The following MUC4 variants were observed in gnomAD, a reference collection of about 807,000 sequenced individuals.
MUC4 encodes the protein mucin 4, cell surface associated, also known as mucin-4.
In MUC4, 202 loss-of-function variants were observed where a neutral mutation model predicts 257.9. That is an observed-to-expected ratio of 0.78 (90% CI 0.70 to 0.88). The LOEUF is 0.88. Among genes scored for constraint, MUC4 ranks in the 40% least tolerant of loss-of-function variants. The pLI is 0.00. For missense variants in MUC4, 5,976 were observed against 6,513.7 expected, an observed-to-expected ratio of 0.92 and a Z score of 2.84; for synonymous variants, 2,351 against 2,757.1, an observed-to-expected ratio of 0.85 and a Z score of 4.62.
chr3:195,758,166 G>A (rs1165075263), intron 17 of MUC4, among the ~76,000 whole-genome samples: 4 of 152,236 alleles, frequency 2.6e-5, no homozygotes, highest in Admixed American at 1.3e-4. Flanking sequence ...GCATCCCTTT[G>A]ATGCCCTTGG....
Position 195,798,596 on chromosome 3 carries a change from C to T in MUC4, c.83-7099G>A, listed in dbSNP as rs894729400. ...GCGGGCGCCTGTAGTCCCAGCTACT[C>T]GGGAGGCTGAGGCAGGAGAATGGCG... On this transcript the variant is annotated intron_variant, in intron 1 of 24. Coordinates refer to ENST00000463781, the MANE Select transcript of MUC4 (RefSeq NM_018406.7). 3.4e-4 allele frequency among the ~76,000 whole-genome samples: 48 copies of T among 143,060 alleles called. 1 individual carries two copies. The highest frequency in any genetic ancestry group is 8.4e-4 in the African/African-American group (34 of 40,326). 93.9% of individuals were successfully genotyped at this position (143,060 alleles called of 152,430 possible). A position where few individuals can be genotyped will look rare whatever the true frequency, so the allele number is the denominator to read the frequency against.
Position 195,770,332 on chromosome 3 carries a change from G to A in MUC4, c.13282C>T (p.Gln4428Ter), listed in dbSNP as rs1390860595. Residue 4428 changes from glutamine (Q) to a stop codon, truncating the protein, a stop_gained, in exon 6 of 25, where the codon CAG becomes TAG. Transcript: ENST00000463781. LOFTEE classifies it high-confidence loss of function. The stretch of plus-strand genomic sequence containing the variant: ...TTTCTAATCCAAGACTCGGCCTGCT[G>A]GACTAGCAGGCTGTGTTCACCATAG... ...TFYGEHSLLVQQAESWIRKMT... is the reference protein window; with the variant it reads ...TFYGEHSLLV The A allele has an allele frequency of 1.9e-6, 3 of 1,613,938 alleles. No homozygotes were observed. In the Admixed American group the frequency reaches 5.0e-5, roughly 27 times the overall value.
intron 24 of MUC4, among the ~76,000 whole-genome samples, chr3:195,747,767 G>A (rs1353177946): frequency 6.6e-6 from 1 of 152,284 alleles, no homozygotes; most frequent in Non-Finnish European, 1.5e-5. Flanking sequence ...AGGAGGCTGA[G>A]GCAGAATCGC....
At position 195,780,497 on chromosome 3, in the gene MUC4, T is replaced by C. The variant is rs768700166; in HGVS notation, c.11083A>G (p.Thr3695Ala). 1 of 1,154,564 alleles carries C rather than the reference T, an allele frequency of 8.7e-7. No individual in the cohort carries two copies. The highest frequency in any genetic ancestry group is 2.9e-5 in the Admixed American group (1 of 34,542). 71.5% of individuals were successfully genotyped at this position (1,154,564 alleles called of 1,614,324 possible). Reference sequence around the variant, plus strand: ...GAAGGGATGGTGACAGGAAGAGGGGTGGCCTGACCTGTGGATGCTGAGGAA... The same window carrying C: ...GAAGGGATGGTGACAGGAAGAGGGGCGGCCTGACCTGTGGATGCTGAGGAA... ...DTSSASTGQA[T>A]PLPVTIPSSS... Residue 3695 changes from threonine (T) to alanine (A), a missense_variant, in exon 2 of 25, where the codon ACC becomes GCC. By Grantham distance (58) the Thr-to-Ala change is moderately conservative. Coordinates refer to ENST00000463781, the MANE Select transcript of MUC4 (RefSeq NM_018406.7).
rs186371373 is a variant in MUC4 at position 195,778,682 on chromosome 3, C to T, written c.12790+108G>A. Reference sequence around the variant, plus strand: ...ACCTCCTCCCCTGTGGGACCTGACACGGCCCCACCAGGTAATGCGAATGCA... The same window carrying T: ...ACCTCCTCCCCTGTGGGACCTGACATGGCCCCACCAGGTAATGCGAATGCA... On this transcript the variant is annotated intron_variant, in intron 2 of 24. Transcript: ENST00000463781. 3.3e-4 allele frequency: 451 copies of T among 1,348,758 alleles called. 1 individual carries two copies. The highest frequency in any genetic ancestry group is 5.2e-4 in the Admixed American group (23 of 44,312). 83.5% of individuals were successfully genotyped at this position (1,348,758 alleles called of 1,614,324 possible).
At chr3:195,767,793 C>CCACCATCACCCCCAACACCACCACCAT (rs1553861076) in intron 7 of MUC4, among the ~76,000 whole-genome samples, 1 of 73,292 alleles carries the variant, frequency 1.4e-5, no homozygotes. Context: ...ACCATCATTG[C>CCACCATCACCCCCAACACCACCACCAT]CACCACCATC....
At chr3:195,764,002 C>T (rs755972075) in intron 11 of MUC4, 43 bp downstream of exon 11, 2 of 1,582,658 alleles carry the variant, frequency 1.3e-6, no homozygotes, top group African/African-American at 1.4e-5. Context: ...CAGAAGCTCC[C>T]CCTCCCCAGA....
Position 195,785,859 on chromosome 3 carries a change from G to C in MUC4, c.5721C>G (p.Val1907=), listed in dbSNP as rs1264662658. The C allele has an allele frequency of 4.0e-6, 6 of 1,497,088 alleles. No homozygotes were observed. The highest frequency in any genetic ancestry group is 1.4e-5 in the African/African-American group (1 of 70,026). The allele number at this position is 1,497,088 out of a possible 1,614,324, so 92.7% of individuals were successfully genotyped here. The change falls in exon 2 of 25, where the codon GTC becomes GTG. Residue 1907 remains valine, a synonymous_variant. Transcript: ENST00000463781. ...ASTGDTTPLH[V]TDASSVSTGH... is the part of the protein sequence containing the mutation. ...CTGTGGATACTGAGGAAGCGTCGGT[G>C]ACATGAAGAGGGGTGGTGTCACCTG...
chr3:195,796,465 C>A (rs1279210067), intron 1 of MUC4, among the ~76,000 whole-genome samples: 1 of 152,102 alleles, frequency 6.6e-6, no homozygotes, highest in African/African-American at 2.4e-5. Flanking sequence ...GTAATCCTAA[C>A]ACGTTGGGAG....
rs759430050 is a variant in MUC4, at chr3:195,781,634, T to C, written c.9946A>G (p.Thr3316Ala). The C allele has an allele frequency of 3.3e-4, 147 of 439,476 alleles. 11 individuals are homozygous for C. In the South Asian group the frequency reaches 5.2e-3, roughly 16 times the overall value. The allele number at this position is 439,476 out of a possible 1,614,324, so 27.2% of individuals were successfully genotyped here. Reference sequence around the variant, plus strand: ...CCTGTGGATGCTGAGGAAGCGTCGGTGACAAGAAGAGGAGTGGCGTGACCT... The same window carrying C: ...CCTGTGGATGCTGAGGAAGCGTCGGCGACAAGAAGAGGAGTGGCGTGACCT... The part of the protein sequence containing the change: ...STGHATPLLV[T>A]DASSASTGHA... Residue 3316 changes from threonine (T) to alanine (A), a missense_variant, in exon 2 of 25, where the codon ACC (threonine) becomes GCC (alanine). Around this residue, in one of 44 missense-constraint regions of MUC4, gnomAD observed 72 missense variants for 33.5 expected, o/e 2.15. Transcript: ENST00000463781.
intron 5 of MUC4, chr3:195,770,684 A>C: frequency 6.2e-5 from 28 of 455,144 alleles, no homozygotes; most frequent in African/African-American, 7.9e-5. Context: ...TTACCTCCCC[A>C]TGCCTAATCT....
At chr3:195,763,907 C>G in intron 11 of MUC4, 138 bp downstream of exon 11, 1 of 1,334,312 alleles carries the variant, frequency 7.5e-7, no homozygotes, top group Non-Finnish European at 1.0e-6. Flanking sequence ...ACTGACCATC[C>G]ACCCATCACT....
chr3:195,772,071 T>C (rs2550241), intron 4 of MUC4, among the ~76,000 whole-genome samples: 61,743 of 152,144 alleles, frequency 0.41, 14,168 homozygotes, highest in East Asian at 0.74. Context: ...GATCCCTGGC[T>C]GTGGACCAGC....
chr3:195,748,781 G>C (rs1715703411), intron 24 of MUC4, 121 bp downstream of exon 24: 2 of 1,298,032 alleles, frequency 1.5e-6, no homozygotes, highest in Non-Finnish European at 2.0e-6. Context: ...CTTTTCCACT[G>C]TCCTCTCTTC....
chr3:195,746,808 T>G lies in MUC4; in HGVS notation c.*368A>C. ...TCAGAGAGACTTTATTTAAATAGAG[T>G]TAATTTGAAGTAAACCAGAGAGTTT... On this transcript the variant is annotated 3_prime_UTR_variant, in exon 25 of 25. Coordinates refer to ENST00000463781, the MANE Select transcript of MUC4 (RefSeq NM_018406.7). 1 of 303,180 alleles carries G rather than the reference T, an allele frequency of 3.3e-6. No homozygotes were observed. Among genetic ancestry groups the G allele is most frequent in the Non-Finnish European group, 6.1e-6 (1 of 163,164 alleles). The allele number at this position is 303,180 out of a possible 1,614,324, so 18.8% of individuals were successfully genotyped here.
rs79298322 is a variant in MUC4 at position 195,789,894 on chromosome 3, G to T, written c.1686C>A (p.Gly562=). 44 of 1,613,964 alleles carry T rather than the reference G, an allele frequency of 2.7e-5. No homozygotes were observed. In the East Asian group the frequency reaches 7.6e-4, roughly 28 times the overall value. The change falls in exon 2 of 25, where the codon GGC becomes GGA. Residue 562 remains glycine (G), a synonymous_variant. Coordinates refer to ENST00000463781, the MANE Select transcript of MUC4 (RefSeq NM_018406.7). ...STTLPKTTGA[G]AQTQWTQETG... ...TTTCTTGTGTCCATTGTGTCTGGGC[G>T]CCTGCCCCTGTTGTTTTTGGGAGAG...
intron 1 of MUC4, among the ~76,000 whole-genome samples, chr3:195,797,956 A>G (rs1734764051): frequency 6.6e-6 from 1 of 152,038 alleles, no homozygotes; most frequent in South Asian, 2.1e-4. Context: ...AATAAAAAAT[A>G]AAAAAATAAA....
At chr3:195,775,620 TCATACCTTCCACACC>T (rs1724364723) in intron 3 of MUC4, among the ~76,000 whole-genome samples, 16 of 25,794 alleles carry the variant, frequency 6.2e-4, no homozygotes, top group East Asian at 1.3e-3. Flanking sequence ...CCTTCCACAG[TCATACCTTCCACACC>T]CATACCTTCC....
intron 5 of MUC4, among the ~76,000 whole-genome samples, chr3:195,771,205 G>A (rs1206287589): frequency 1.6e-5 from 1 of 60,976 alleles, no homozygotes; most frequent in South Asian, 6.4e-4. Context: ...GGTCAGTCTC[G>A]TGGTTGGGTT....
Sources: allele counts gnomAD v4.1 joint callset (sites outside exome capture counted in the v4.1 genomes callset), GRCh38; gene constraint gnomAD v4.1.1; regional missense constraint gnomAD v4.1.1; transcripts MANE v1.5; gene names NCBI Gene and HGNC (gene_info 2026-07-23, HGNC 2026-07-21).